SBDS: variants seen among roughly 807,000 people sequenced by gnomAD.
SBDS encodes the protein SBDS ribosome maturation factor, also known as ribosome maturation protein SBDS.
Under a neutral mutation model 26.4 loss-of-function variants are expected in SBDS, and 20 were observed. That is an observed-to-expected ratio of 0.76 (90% confidence interval 0.53 to 1.10). SBDS has a LOEUF of 1.10. SBDS is among the 50% of genes least tolerant of loss of function. SBDS has a pLI of 0.00. For synonymous variants in SBDS, 95 were observed against 105.1 expected, an observed-to-expected ratio of 0.90 and a Z score of 0.59; for missense variants, 241 against 302.0, an observed-to-expected ratio of 0.80 and a Z score of 1.50.
At chr7:66,989,547 A>AAAATAAAT (rs76824519) in intron 4 of SBDS, among the ~76,000 whole-genome samples, 53 of 151,692 alleles carry the variant, frequency 3.5e-4, no homozygotes, top group East Asian at 1.4e-3. Flanking sequence ...CCCTGTCTCA[A>AAAATAAAT]AAATAAATAA....
At chr7:66,995,180 C>T in intron 1 of SBDS, 110 bp downstream of exon 1, 4 of 1,487,384 alleles carry the variant, frequency 2.7e-6, no homozygotes, top group Non-Finnish European at 3.7e-6. Context: ...TCCATTTCCT[C>T]CCCGGCCAAC....
Position 66,991,182 on chromosome 7 carries a change from C to G in SBDS, c.579G>C (p.Leu193=). The change falls in exon 4 of 5, where the codon CTG becomes CTC. Residue 193 remains leucine (L), a synonymous_variant. Coordinates refer to ENST00000246868, the MANE Select transcript of SBDS (RefSeq NM_016038.4). ...GKKLKEKLKP[L]IKVIESEDYG... The stretch of plus-strand genomic sequence containing the variant: ...AATCTTCACTTTCTATGACCTTGAT[C>G]AGTGGCTTGAGCTTTTCTTTCAGCT... The G allele has an allele frequency of 6.2e-7, 1 of 1,614,100 alleles. No individual in the cohort carries two copies. The highest frequency in any genetic ancestry group is 1.3e-5 in the African/African-American group (1 of 75,042).
chr7:66,992,286 G>A (rs142952252), intron 3 of SBDS, among the ~76,000 whole-genome samples: 33 of 152,158 alleles, frequency 2.2e-4, no homozygotes, highest in African/African-American at 5.1e-4. Flanking sequence ...AGTCCATAAC[G>A]AGAGGAGATT....
intron 1 of SBDS, 114 bp downstream of exon 1, chr7:66,995,176 T>A: frequency 6.8e-7 from 1 of 1,463,640 alleles, no homozygotes; most frequent in Non-Finnish European, 9.5e-7. Flanking sequence ...ATGTTCCATT[T>A]CCTCCCCGGC....
chr7:66,993,597 G>C (rs1320343379), intron 2 of SBDS, among the ~76,000 whole-genome samples, 180 bp from the exon 3 acceptor site: 1 of 152,022 alleles, frequency 6.6e-6, no homozygotes, highest in Non-Finnish European at 1.5e-5. Context: ...CTTTTGGCTG[G>C]GCTCAGTGGC....
chr7:66,991,094 A>G, intron 4 of SBDS, 43 bp downstream of exon 4: 2 of 1,472,734 alleles, frequency 1.4e-6, no homozygotes, highest in Non-Finnish European at 1.9e-6. Flanking sequence ...TAGAGAATAC[A>G]ATATTTAGGT....
chr7:66,991,852 G>A (rs1792982891), intron 3 of SBDS, among the ~76,000 whole-genome samples: 1 of 152,090 alleles, frequency 6.6e-6, no homozygotes, highest in African/African-American at 2.4e-5. Context: ...TTAAGGAAAT[G>A]CAAATCAAAA....
chr7:66,991,010 C>G lies in SBDS; in HGVS notation c.624+127G>C, dbSNP rs1163765303. 4 of 863,762 alleles carry G rather than the reference C, an allele frequency of 4.6e-6. No homozygotes were observed. In the East Asian group the frequency reaches 1.1e-4, roughly 24 times the overall value. The allele number at this position is 863,762 out of a possible 1,614,324, so 53.5% of individuals were successfully genotyped here. On this transcript the variant is annotated intron_variant, in intron 4 of 4. Transcript: ENST00000246868. The stretch of plus-strand genomic sequence containing the variant: ...CCAGCCTGGGCAACAGAGCGAGACT[C>G]CATCTCAAAAAAAAAAAAGAAAAGA...
At chr7:66,990,355 T>G (rs917135211) in intron 4 of SBDS, among the ~76,000 whole-genome samples, 5 of 152,196 alleles carry the variant, frequency 3.3e-5, no homozygotes, top group African/African-American at 9.7e-5. Context: ...TTCAAGATAT[T>G]AGAAGTTCAG....
intron 2 of SBDS, among the ~76,000 whole-genome samples, chr7:66,993,662 T>C (rs549994686): frequency 6.6e-6 from 1 of 152,110 alleles, no homozygotes. Flanking sequence ...TCACCCAAGG[T>C]CAGGAGTTTG....
chr7:66,989,513 C>A (rs1281234547), intron 4 of SBDS, among the ~76,000 whole-genome samples: 1 of 151,950 alleles, frequency 6.6e-6, no homozygotes, highest in Non-Finnish European at 1.5e-5. Context: ...CCATTGCACT[C>A]TAGCTTGGGC....
intron 2 of SBDS, 69 bp downstream of exon 2, chr7:66,994,143 A>G: frequency 6.6e-7 from 1 of 1,511,374 alleles, no homozygotes; most frequent in Non-Finnish European, 9.2e-7. Context: ...ACAGCCTTTA[A>G]TGTTTAATAT....
chr7:66,989,119 G>A (rs1419627955), intron 4 of SBDS, among the ~76,000 whole-genome samples: 2 of 151,856 alleles, frequency 1.3e-5, no homozygotes, highest in African/African-American at 2.4e-5. Context: ...TTACAGGCAC[G>A]AGCCACTGTG....
intron 1 of SBDS, 155 bp downstream of exon 1, chr7:66,995,135 C>T: frequency 9.5e-7 from 1 of 1,053,194 alleles, no homozygotes; most frequent in Non-Finnish European, 1.4e-6. Context: ...GCGCCAAGCT[C>T]GGACAGCGAC....
At position 66,993,425 on chromosome 7, in the gene SBDS, A is replaced by G. The variant is rs1455244095; in HGVS notation, c.259-8T>C. 1 of 1,608,854 alleles carries G rather than the reference A, an allele frequency of 6.2e-7. No individual in the cohort carries two copies. Among genetic ancestry groups the G allele is most frequent in the South Asian group, 1.1e-5 (1 of 90,984 alleles). The stretch of plus-strand genomic sequence containing the variant: ...TTCTCCTTTAGTCAAAATCTAAAAA[A>G]ATGCCAACACATTTAAGAAATCACT... On this transcript the variant is annotated splice_polypyrimidine_tract_variant and splice_region_variant and intron_variant, in intron 2 of 4. Coordinates refer to ENST00000246868, the MANE Select transcript of SBDS (RefSeq NM_016038.4).
chr7:66,990,904 C>A, intron 4 of SBDS, among the ~76,000 whole-genome samples: 1 of 151,906 alleles, frequency 6.6e-6, no homozygotes, highest in South Asian at 2.1e-4. Flanking sequence ...GTAGTCCCAG[C>A]TACACAGGAG....
chr7:66,994,685 G>A (rs558322200), intron 1 of SBDS, among the ~76,000 whole-genome samples: 1 of 152,154 alleles, frequency 6.6e-6, no homozygotes, highest in Non-Finnish European at 1.5e-5. Context: ...GTAGAGATGG[G>A]GTTTCATGTT....
rs1181052619 is a variant in SBDS at position 66,995,464 on chromosome 7, C to T, written c.-47G>A. 1.2e-6 allele frequency: 2 copies of T among 1,612,098 alleles called. No individual in the cohort carries two copies. The highest frequency in any genetic ancestry group is 1.7e-6 in the Non-Finnish European group (2 of 1,179,742). On this transcript the variant is annotated 5_prime_UTR_variant, in exon 1 of 5. Transcript: ENST00000246868. ...AAGCCGGCGAACCAGGGCTGACCCG[C>T]GCCGTCCAGCCTGAAGGCCACCAGC...
chr7:66,995,477 G>A lies in SBDS; in HGVS notation c.-60C>T. On this transcript the variant is annotated 5_prime_UTR_variant, in exon 1 of 5. Coordinates refer to ENST00000246868, the MANE Select transcript of SBDS (RefSeq NM_016038.4). Reference sequence around the variant, plus strand: ...AGGGCTGACCCGCGCCGTCCAGCCTGAAGGCCACCAGCGCCTCGCGGTAAC... The same window carrying A: ...AGGGCTGACCCGCGCCGTCCAGCCTAAAGGCCACCAGCGCCTCGCGGTAAC... 1 of 1,610,312 alleles carries A rather than the reference G, an allele frequency of 6.2e-7. No individual in the cohort carries two copies. Among genetic ancestry groups the A allele is most frequent in the Non-Finnish European group, 8.5e-7 (1 of 1,178,384 alleles).
Sources: gnomAD v4.1 joint callset for allele counts (sites outside exome capture counted in the v4.1 genomes callset) on GRCh38, gnomAD v4.1.1 for gene constraint, MANE v1.5 for transcripts, NCBI Gene and HGNC (gene_info 2026-07-23, HGNC 2026-07-21) for gene names.